CNTN5: variants seen among roughly 807,000 people sequenced by gnomAD.
CNTN5 encodes the protein contactin-5.
A neutral mutation model predicts 129.1 loss-of-function variants in CNTN5; 77 were observed. The observed-to-expected ratio is 0.60, with a 90% CI of 0.50 to 0.72. The LOEUF (loss-of-function observed/expected upper bound fraction) is 0.72. CNTN5 is among the 30% of genes least tolerant of loss of function. The pLI is 0.00. For missense variants in CNTN5, 1,478 were observed against 1,328.8 expected (o/e 1.11, Z -1.75); for synonymous variants, 509 against 465.6 (o/e 1.09, Z -1.20).
intron 20 of CNTN5, among the ~76,000 whole-genome samples, 187 bp from the exon 21 acceptor site, chr11:100,308,172 T>C (rs1195395241): frequency 6.6e-6 from 1 of 151,792 alleles, no homozygotes; most frequent in Non-Finnish European, 1.5e-5. Flanking sequence ...GGTAAGGTAT[T>C]GATGAGATTT....
intron 1 of CNTN5, among the ~76,000 whole-genome samples, chr11:99,282,983 C>T (rs773367001): frequency 8.6e-5 from 13 of 152,042 alleles, no homozygotes; most frequent in Non-Finnish European, 1.8e-4. Flanking sequence ...AATAAAGCCT[C>T]CTACAATTCA....
chr11:99,569,974 T>C (rs1591293868), intron 3 of CNTN5, among the ~76,000 whole-genome samples: 3 of 151,858 alleles, frequency 2.0e-5, no homozygotes, highest in East Asian at 3.9e-4. Flanking sequence ...CAATAAAAAA[T>C]TACTAAAGGC....
intron 3 of CNTN5, among the ~76,000 whole-genome samples, chr11:99,642,892 A>G (rs1300786951): frequency 2.0e-5 from 3 of 152,144 alleles, no homozygotes; most frequent in African/African-American, 7.2e-5. Flanking sequence ...AATGTCCTCT[A>G]GGTTCATCCA....
chr11:100,265,142 T>C (rs773783129), intron 17 of CNTN5, among the ~76,000 whole-genome samples: 5 of 152,136 alleles, frequency 3.3e-5, no homozygotes, highest in African/African-American at 4.8e-5. Flanking sequence ...AACCCAAGAA[T>C]TGTGCTGTAC....
chr11:99,086,726 A>G (rs1027552262), intron 1 of CNTN5, among the ~76,000 whole-genome samples: 1 of 152,212 alleles, frequency 6.6e-6, no homozygotes, highest in African/African-American at 2.4e-5. Context: ...TCAAAGGAAT[A>G]TATATGAGAT....
chr11:99,746,081 T>C (rs1303763652), intron 3 of CNTN5, among the ~76,000 whole-genome samples: 1 of 152,232 alleles, frequency 6.6e-6, no homozygotes, highest in Non-Finnish European at 1.5e-5. Context: ...CAAGGTTGCC[T>C]GCAAGTATTT....
chr11:99,938,861 T>C (rs567834108), intron 7 of CNTN5, among the ~76,000 whole-genome samples: 1 of 152,132 alleles, frequency 6.6e-6, no homozygotes, highest in South Asian at 2.1e-4. Flanking sequence ...AAATAATAAA[T>C]GGTAAAGGAA....
chr11:99,292,142 T>G (rs1864195357), intron 1 of CNTN5, among the ~76,000 whole-genome samples: 1 of 151,822 alleles, frequency 6.6e-6, no homozygotes, highest in Non-Finnish European at 1.5e-5. Context: ...GCACTTTCAT[T>G]CTGGCAAAAA....
chr11:99,667,960 A>G (rs1952866514), intron 3 of CNTN5, among the ~76,000 whole-genome samples: 1 of 152,156 alleles, frequency 6.6e-6, no homozygotes, highest in African/African-American at 2.4e-5. Context: ...AAAAGAAAAA[A>G]AAAATCCTGG....
At chr11:100,332,947 A>G (rs1951937178) in intron 21 of CNTN5, among the ~76,000 whole-genome samples, 2 of 152,190 alleles carry the variant, frequency 1.3e-5, no homozygotes, top group Non-Finnish European at 2.9e-5. Flanking sequence ...TACCCAGAGC[A>G]ATCAGACAAC....
intron 3 of CNTN5, among the ~76,000 whole-genome samples, chr11:99,587,034 G>A (rs974692467): frequency 1.3e-5 from 2 of 152,110 alleles, no homozygotes; most frequent in Non-Finnish European, 2.9e-5. Context: ...TTAACAATTC[G>A]TAATGTGTGT....
intron 1 of CNTN5, among the ~76,000 whole-genome samples, chr11:99,117,609 A>T (rs1353527478): frequency 1.3e-5 from 2 of 152,304 alleles, no homozygotes; most frequent in African/African-American, 4.8e-5. Flanking sequence ...TCCCTCCAAA[A>T]TTCATAGGTA....
At chr11:100,013,873 C>A (rs530059116) in intron 9 of CNTN5, among the ~76,000 whole-genome samples, 2 of 152,112 alleles carry the variant, frequency 1.3e-5, no homozygotes, top group Admixed American at 1.3e-4. Context: ...TGACAATACT[C>A]AATTTTTAAA....
At chr11:99,881,142 G>A (rs1565633929) in intron 6 of CNTN5, among the ~76,000 whole-genome samples, 1 of 152,168 alleles carries the variant, frequency 6.6e-6, no homozygotes, top group Non-Finnish European at 1.5e-5. Context: ...TTTCTGGATT[G>A]GTACAGGTAT....
chr11:99,279,150 C>T (rs903604919), intron 1 of CNTN5, among the ~76,000 whole-genome samples: 1 of 151,762 alleles, frequency 6.6e-6, no homozygotes. Context: ...GAATACATTT[C>T]GGTTATATTT....
chr11:100,242,867 TG>T (rs1474084592), intron 16 of CNTN5, among the ~76,000 whole-genome samples: 17 of 152,256 alleles, frequency 1.1e-4, no homozygotes, highest in Admixed American at 9.8e-4. Context: ...GGAGGAAACA[TG>T]GAAAGAACAT....
chr11:99,799,155 C>G (rs1788627459), intron 3 of CNTN5, among the ~76,000 whole-genome samples: 2 of 151,756 alleles, frequency 1.3e-5, no homozygotes, highest in East Asian at 1.9e-4. Flanking sequence ...GTTCCTGAAG[C>G]CTTGGGGTTT....
chr11:99,241,220 C>A (rs189477848), intron 1 of CNTN5, among the ~76,000 whole-genome samples: 8 of 152,030 alleles, frequency 5.3e-5, no homozygotes, highest in Admixed American at 1.3e-4. Context: ...GATGTGTACT[C>A]CTTCCAATAC....
intron 23 of CNTN5, among the ~76,000 whole-genome samples, chr11:100,348,203 T>G (rs1298105200): frequency 6.6e-6 from 1 of 152,058 alleles, no homozygotes; most frequent in African/African-American, 2.4e-5. Flanking sequence ...TAACTATTTT[T>G]TTCTATGTCT....
Sources: allele counts gnomAD v4.1 joint callset (sites outside exome capture counted in the v4.1 genomes callset), GRCh38; gene constraint gnomAD v4.1.1; transcripts MANE v1.5; gene names NCBI Gene and HGNC (gene_info 2026-07-23, HGNC 2026-07-21).